Variants in MOSMO observed in about 807,000 individuals in gnomAD.
MOSMO encodes modulator of smoothened, also known as modulator of smoothened protein.
In MOSMO, 5 loss-of-function variants were observed where a neutral mutation model predicts 18.4. That is an observed-to-expected ratio of 0.27 (90% CI 0.14 to 0.57). The LOEUF is 0.57. MOSMO is among the 20% of genes least tolerant of loss of function. MOSMO has a pLI of 0.92. For missense variants in MOSMO, 138 were observed against 211.8 expected, an observed-to-expected ratio of 0.65 and a Z score of 2.16; for synonymous variants, 82 against 82.3, an observed-to-expected ratio of 1.00 and a Z score of 0.02.
chr16:22,009,656 T>C (rs1026871618), intron 1 of MOSMO, among the ~76,000 whole-genome samples: 2 of 151,736 alleles, frequency 1.3e-5, no homozygotes, highest in Non-Finnish European at 2.9e-5. Flanking sequence ...GCTCCCTCCA[T>C]GGATAATTTC....
intron 1 of MOSMO, among the ~76,000 whole-genome samples, chr16:22,047,666 G>A (rs1900340999): frequency 6.6e-6 from 1 of 152,050 alleles, no homozygotes; most frequent in African/African-American, 2.4e-5. Flanking sequence ...TTTTTCTGTG[G>A]GTTGCATATG....
chr16:22,067,112 AAAAC>A (rs763162554), intron 1 of MOSMO, among the ~76,000 whole-genome samples: 2 of 152,230 alleles, frequency 1.3e-5, no homozygotes, highest in Non-Finnish European at 2.9e-5. Context: ...TTAAATAGCT[AAAAC>A]AAATCAGAAG....
At chr16:22,009,567 C>T (rs374930181) in intron 1 of MOSMO, among the ~76,000 whole-genome samples, 33 of 151,968 alleles carry the variant, frequency 2.2e-4, no homozygotes, top group African/African-American at 8.0e-4. Context: ...GAGAGCTGCT[C>T]CGATTTAAGG....
intron 1 of MOSMO, among the ~76,000 whole-genome samples, chr16:22,039,185 G>A (rs1472113744): frequency 4.1e-4 from 62 of 152,120 alleles, no homozygotes; most frequent in Admixed American, 4.1e-3. Flanking sequence ...TCTCAGTGAT[G>A]GGAATTAAAT....
At chr16:22,011,202 C>T (rs1349806955) in intron 1 of MOSMO, among the ~76,000 whole-genome samples, 2 of 152,130 alleles carry the variant, frequency 1.3e-5, no homozygotes, top group African/African-American at 4.8e-5. Context: ...TATCTGCCCT[C>T]TTGACCTTTT....
intron 1 of MOSMO, among the ~76,000 whole-genome samples, chr16:22,029,163 C>T (rs944267364): frequency 2.0e-5 from 3 of 152,146 alleles, no homozygotes; most frequent in Non-Finnish European, 4.4e-5. Context: ...AGCCACCACG[C>T]CTGGCTATGT....
At chr16:22,008,441 T>C in intron 1 of MOSMO, 34 bp downstream of exon 1, 1 of 1,251,012 alleles carries the variant, frequency 8.0e-7, no homozygotes, top group Non-Finnish European at 1.0e-6. Flanking sequence ...GGGCGGGGGA[T>C]TGGCTGAGGG....
In MOSMO at chr16:22,008,211, G is replaced by A. The variant is rs1469363080; in HGVS notation, c.-91G>A. On this transcript the variant is annotated 5_prime_UTR_variant, in exon 1 of 3. Coordinates refer to ENST00000542527, the MANE Select transcript of MOSMO (RefSeq NM_001164579.2). ...AGGGGGCGCGAGGCAGCGGCGCGGG[G>A]ACTCCGGGCCCCGGCGGCGGCCCAT... is the stretch of plus-strand genomic sequence containing the variant. 1.8e-6 allele frequency: 1 copy of A among 554,674 alleles called. No homozygotes were observed. Among genetic ancestry groups the A allele is most frequent in the Non-Finnish European group, 2.6e-6 (1 of 386,512 alleles). The allele number at this position is 554,674 out of a possible 1,614,324, so 34.4% of individuals were successfully genotyped here.
At chr16:22,013,736 CT>C (rs1899579797) in intron 1 of MOSMO, among the ~76,000 whole-genome samples, 1 of 152,016 alleles carries the variant, frequency 6.6e-6, no homozygotes, top group South Asian at 2.1e-4. Flanking sequence ...GAACTTCTCC[CT>C]TATGTCTCGT....
chr16:22,092,639 T>C, the MOSMO span: 1 of 1,550,692 alleles, frequency 6.4e-7, no homozygotes, highest in Non-Finnish European at 8.7e-7. Flanking sequence ...GAGAAATAAA[T>C]GAAGAAATAC....
intron 1 of MOSMO, among the ~76,000 whole-genome samples, chr16:22,057,466 T>C (rs1430994215): frequency 1.3e-5 from 2 of 152,250 alleles, no homozygotes; most frequent in Non-Finnish European, 2.9e-5. Context: ...CCCAACACAG[T>C]TGCATTGCCG....
chr16:22,010,822 G>A (rs1285481152), intron 1 of MOSMO, among the ~76,000 whole-genome samples: 1 of 152,086 alleles, frequency 6.6e-6, no homozygotes, highest in African/African-American at 2.4e-5. Flanking sequence ...TCGGGAGGCT[G>A]AGGCAAGAGA....
intron 1 of MOSMO, among the ~76,000 whole-genome samples, chr16:22,020,032 A>G (rs1374958794): frequency 3.3e-5 from 5 of 151,548 alleles, no homozygotes; most frequent in Non-Finnish European, 7.4e-5. Flanking sequence ...TGACCAACAT[A>G]GAGAAACCCC....
At chr16:22,057,107 TAGAGAGAG>T (rs547993949) in intron 1 of MOSMO, among the ~76,000 whole-genome samples, 1 of 151,606 alleles carries the variant, frequency 6.6e-6, no homozygotes, top group Admixed American at 6.6e-5. Context: ...CTTAGTATTT[TAGAGAGAG>T]AGAGAGAGTA....
intron 1 of MOSMO, among the ~76,000 whole-genome samples, chr16:22,048,757 GTT>G (rs1199423996): frequency 6.6e-6 from 1 of 151,888 alleles, no homozygotes; most frequent in Non-Finnish European, 1.5e-5. Context: ...TTGTGGATCA[GTT>G]TTTTTCTTTA....
intron 1 of MOSMO, among the ~76,000 whole-genome samples, chr16:22,054,241 A>G (rs1900489223): frequency 6.6e-6 from 1 of 152,086 alleles, no homozygotes; most frequent in African/African-American, 2.4e-5. Flanking sequence ...GACTACAGGC[A>G]CATGCCACCA....
intron 1 of MOSMO, among the ~76,000 whole-genome samples, chr16:22,037,110 CAA>C (rs1900124328): frequency 6.6e-6 from 1 of 152,042 alleles, no homozygotes; most frequent in Non-Finnish European, 1.5e-5. Flanking sequence ...AAGCTAGACT[CAA>C]GAGGAAAACC....
intron 2 of MOSMO, among the ~76,000 whole-genome samples, chr16:22,076,539 G>C (rs1900972752): frequency 6.6e-6 from 1 of 152,192 alleles, no homozygotes; most frequent in Non-Finnish European, 1.5e-5. Context: ...TAGAGCCACT[G>C]TTTAGAAATC....
chr16:22,086,628 C>A (rs1310655139), downstream of MOSMO, among the ~76,000 whole-genome samples: 2 of 152,152 alleles, frequency 1.3e-5, no homozygotes, highest in Admixed American at 1.3e-4. Flanking sequence ...GTTTTTTCAT[C>A]TGTAGAATGG....
Sources: allele counts gnomAD v4.1 joint callset (sites outside exome capture counted in the v4.1 genomes callset), GRCh38; gene constraint gnomAD v4.1.1; transcripts MANE v1.5; gene names NCBI Gene and HGNC (gene_info 2026-07-23, HGNC 2026-07-21).